THADA: variants seen among roughly 807,000 people sequenced by gnomAD.
THADA encodes THADA armadillo repeat containing, also known as tRNA (32-2'-O)-methyltransferase regulator THADA.
In THADA, 213 loss-of-function variants were observed where a neutral mutation model predicts 219.8. That is an observed-to-expected ratio of 0.97 (90% confidence interval 0.87 to 1.09). The LOEUF (loss-of-function observed/expected upper bound fraction) is 1.09, where lower values mean the gene tolerates loss of function less well. Ranked by LOEUF, THADA falls within the 50% of genes least tolerant of loss-of-function variation. The probability of loss-of-function intolerance (pLI) is 0.00; values close to 1 mark genes in which losing one functional copy is unlikely to be tolerated. For synonymous variants in THADA, 1,018 were observed against 828.9 expected, an observed-to-expected ratio of 1.23 and a Z score of -3.92; for missense variants, 2,956 against 2,311.3, an observed-to-expected ratio of 1.28 and a Z score of -5.72.
chr2:43,283,379 G>C (rs911055754), intron 35 of THADA, among the ~76,000 whole-genome samples: 1 of 152,248 alleles, frequency 6.6e-6, no homozygotes, highest in African/African-American at 2.4e-5. Context: ...AGCAACTTTG[G>C]AACCGGGTAA....
intron 28 of THADA, among the ~76,000 whole-genome samples, chr2:43,427,555 T>C (rs1032883522): frequency 1.4e-5 from 2 of 143,670 alleles, no homozygotes; most frequent in Admixed American, 7.0e-5. Context: ...TATATATATA[T>C]ACACGCACAC....
At chr2:43,328,666 G>T (rs6744746) in intron 30 of THADA, among the ~76,000 whole-genome samples, 37,593 of 152,124 alleles carry the variant, frequency 0.25, 5,436 homozygotes, top group African/African-American at 0.4. Context: ...GAGCAGGTTT[G>T]GATCCTGGGG....
intron 9 of THADA, 78 bp downstream of exon 9, chr2:43,578,435 C>A: frequency 1.7e-6 from 2 of 1,177,946 alleles, no homozygotes; most frequent in South Asian, 1.4e-5. Context: ...GTGTGAGCCA[C>A]TGCACCAAGC....
intron 29 of THADA, among the ~76,000 whole-genome samples, chr2:43,355,209 A>G (rs981689566): frequency 5.3e-5 from 8 of 152,340 alleles, no homozygotes; most frequent in Admixed American, 1.3e-4. Flanking sequence ...GAGTGCAAAT[A>G]TCTCTTTGAT....
chr2:43,478,078 T>G (rs1193786503), intron 26 of THADA, among the ~76,000 whole-genome samples: 1 of 152,198 alleles, frequency 6.6e-6, no homozygotes, highest in East Asian at 1.9e-4. Flanking sequence ...CTAGTTTCCA[T>G]GTTGGTCTTA....
intron 36 of THADA, among the ~76,000 whole-genome samples, chr2:43,248,202 GAGAGAGAGAGAGAC>G (rs1669438009): frequency 1.5e-5 from 2 of 135,998 alleles, no homozygotes; most frequent in African/African-American, 5.6e-5. Flanking sequence ...GAGAGAGAGA[GAGAGAGAGAGAGAC>G]AGAGAGAGAG....
intron 21 of THADA, among the ~76,000 whole-genome samples, chr2:43,533,214 G>A (rs566255487): frequency 6.6e-6 from 1 of 152,300 alleles, no homozygotes; most frequent in Non-Finnish European, 1.5e-5. Context: ...AGTTAGAATG[G>A]TAATCATTAA....
At position 43,428,235 on chromosome 2, in the gene THADA, A is replaced by T; in HGVS notation, c.3927-4T>A. On this transcript the variant is annotated splice_polypyrimidine_tract_variant and splice_region_variant and intron_variant, in intron 27 of 37. Transcript: ENST00000405975. ...ACGATTTGGTTCTCCCATATCACTG[A>T]AACAACAATTATTACACATGAAAGA... The T allele has an allele frequency of 6.3e-7, 1 of 1,590,754 alleles. No individual in the cohort carries two copies.
intron 8 of THADA, among the ~76,000 whole-genome samples, chr2:43,580,858 C>A (rs923847208): frequency 6.6e-6 from 1 of 150,506 alleles, no homozygotes; most frequent in African/African-American, 2.4e-5. Context: ...CCAGTGTGGG[C>A]GACAAAGAGA....
chr2:43,339,176 A>G (rs1666806622), intron 30 of THADA, among the ~76,000 whole-genome samples: 1 of 152,260 alleles, frequency 6.6e-6, no homozygotes, highest in Non-Finnish European at 1.5e-5. Flanking sequence ...CTAATTTTCT[A>G]TGATAAGCAT....
intron 36 of THADA, among the ~76,000 whole-genome samples, chr2:43,234,202 G>A (rs1667760793): frequency 6.6e-6 from 1 of 152,228 alleles, no homozygotes; most frequent in Admixed American, 6.5e-5. Flanking sequence ...TTGGCAACAA[G>A]TTTCATGGTG....
At chr2:43,246,831 T>C (rs1380125825) in intron 36 of THADA, among the ~76,000 whole-genome samples, 2 of 152,180 alleles carry the variant, frequency 1.3e-5, no homozygotes, top group Non-Finnish European at 2.9e-5. Flanking sequence ...GTGACTACAT[T>C]TCCCAAAGGC....
At chr2:43,258,937 T>C (rs1365652087) in intron 36 of THADA, among the ~76,000 whole-genome samples, 2 of 152,118 alleles carry the variant, frequency 1.3e-5, no homozygotes, top group Non-Finnish European at 2.9e-5. Context: ...ATTGGGACTA[T>C]GGGTAACTTG....
intron 29 of THADA, among the ~76,000 whole-genome samples, chr2:43,352,219 G>A (rs1421966598): frequency 2.0e-5 from 3 of 152,172 alleles, no homozygotes; most frequent in East Asian, 1.9e-4. Flanking sequence ...CTGAAAGAGA[G>A]AGTATCAAGA....
At chr2:43,560,205 C>T (rs1386980343) in intron 16 of THADA, 29 bp downstream of exon 16, 2 of 1,589,866 alleles carry the variant, frequency 1.3e-6, no homozygotes, top group East Asian at 2.3e-5. Context: ...CATGCATATA[C>T]CACATTTATA....
rs1390328245 is a variant in THADA at position 43,298,162 on chromosome 2, A to C, written c.4439-4949T>G. Among the ~76,000 whole-genome samples the C allele has an allele frequency of 7.3e-5, 6 of 81,992 alleles. No individual in the cohort carries two copies. In the East Asian group the frequency reaches 1.1e-3, roughly 14 times the overall value. The allele number at this position is 81,992 out of a possible 152,430, so 53.8% of individuals were successfully genotyped here. A position where few individuals can be genotyped will look rare whatever the true frequency, so the allele number is the denominator to read the frequency against. On this transcript the variant is annotated intron_variant, in intron 31 of 37. Coordinates refer to ENST00000405975, the MANE Select transcript of THADA (RefSeq NM_022065.5). ...CGGCTTTGTGGAATAGAAAGGCGGG[A>C]AAGGTGGGGAAAAGATTGAGAAATC...
intron 30 of THADA, among the ~76,000 whole-genome samples, chr2:43,338,674 T>C (rs2104520908): frequency 6.6e-6 from 1 of 152,336 alleles, no homozygotes; most frequent in African/African-American, 2.4e-5. Flanking sequence ...ATCCATGTTG[T>C]GGCATATGTT....
intron 36 of THADA, among the ~76,000 whole-genome samples, chr2:43,276,776 T>C (rs1444031044): frequency 1.3e-5 from 2 of 152,222 alleles, no homozygotes; most frequent in Non-Finnish European, 2.9e-5. Flanking sequence ...CAGTGACTTG[T>C]GGCCTCTGAG....
rs1462236913 is a variant in THADA, at chr2:43,429,018, C to T, written c.3927-787G>A. On this transcript the variant is annotated intron_variant, in intron 27 of 37. Transcript: ENST00000405975. ...TATAAACAATTAGTGTACATTCATACCAAGTGCAAAATTATAGGAAAAATA... is the reference window on the plus strand; with the variant it reads ...TATAAACAATTAGTGTACATTCATATCAAGTGCAAAATTATAGGAAAAATA... Among the ~76,000 whole-genome samples the T allele has an allele frequency of 3.3e-5, 5 of 152,064 alleles. No individual in the cohort carries two copies. In the South Asian group the frequency reaches 8.3e-4, roughly 25 times the overall value.
Sources: allele counts gnomAD v4.1 joint callset (sites outside exome capture counted in the v4.1 genomes callset), GRCh38; gene constraint gnomAD v4.1.1; transcripts MANE v1.5; gene names NCBI Gene and HGNC (gene_info 2026-07-23, HGNC 2026-07-21).